Variants in CCDC178 observed in about 807,000 individuals in gnomAD.
The protein encoded by CCDC178 is coiled-coil domain containing 178.
A neutral mutation model predicts 117.4 loss-of-function variants in CCDC178; 126 were observed. The observed-to-expected ratio is 1.07, with a 90% CI of 0.93 to 1.24. The LOEUF (loss-of-function observed/expected upper bound fraction) is 1.24. Ranked by LOEUF, CCDC178 falls within the 50% of genes most tolerant of loss-of-function variation. CCDC178 has a pLI of 0.00. For synonymous variants in CCDC178, 283 were observed against 313.4 expected, an observed-to-expected ratio of 0.90 and a Z score of 1.02; for missense variants, 1,030 against 986.9, an observed-to-expected ratio of 1.04 and a Z score of -0.59.
At chr18:33,349,759 A>C (rs78756705) in intron 7 of CCDC178, among the ~76,000 whole-genome samples, 10,827 of 151,936 alleles carry the variant, frequency 0.071, 482 homozygotes, top group Non-Finnish European at 0.094. Context: ...TTCTAAATTA[A>C]GAAAACTGTA....
intron 21 of CCDC178, among the ~76,000 whole-genome samples, chr18:33,024,744 C>T (rs1015976605): frequency 2.6e-5 from 4 of 151,618 alleles, no homozygotes; most frequent in East Asian, 1.9e-4. Flanking sequence ...CCCGGGTTCA[C>T]GCCATTCTCC....
intron 22 of CCDC178, among the ~76,000 whole-genome samples, chr18:32,946,770 T>C (rs1441620603): frequency 1.3e-5 from 2 of 150,990 alleles, no homozygotes; most frequent in African/African-American, 4.9e-5. Flanking sequence ...TTAGTGTCTT[T>C]TTTTTCTTTT....
intron 15 of CCDC178, among the ~76,000 whole-genome samples, chr18:33,232,777 G>T (rs1599031541): frequency 6.6e-6 from 1 of 151,990 alleles, no homozygotes; most frequent in Non-Finnish European, 1.5e-5. Context: ...TGACTTTTTG[G>T]TGTCATTTCT....
chr18:33,095,616 T>C (rs1217361673), intron 20 of CCDC178, among the ~76,000 whole-genome samples: 1 of 152,022 alleles, frequency 6.6e-6, no homozygotes, highest in African/African-American at 2.4e-5. Flanking sequence ...AATGCATGTA[T>C]GCACATAATA....
At chr18:33,372,279 G>A (rs374277710) in intron 5 of CCDC178, among the ~76,000 whole-genome samples, 1 of 152,004 alleles carries the variant, frequency 6.6e-6, no homozygotes, top group Admixed American at 6.6e-5. Context: ...AAAACTTTCA[G>A]TTTTTAAGAA....
intron 22 of CCDC178, among the ~76,000 whole-genome samples, chr18:32,962,275 A>G (rs527662210): frequency 6.6e-6 from 1 of 152,170 alleles, no homozygotes; most frequent in South Asian, 2.1e-4. Flanking sequence ...ATCTAAATTC[A>G]GTTGTCTTTT....
intron 12 of CCDC178, among the ~76,000 whole-genome samples, chr18:33,281,009 C>G (rs888327545): frequency 1.3e-5 from 2 of 151,842 alleles, no homozygotes; most frequent in African/African-American, 4.8e-5. Flanking sequence ...GCTAAATGAC[C>G]AGTTAATGGG....
At chr18:33,434,766 C>G (rs928090020) in intron 2 of CCDC178, among the ~76,000 whole-genome samples, 4 of 152,068 alleles carry the variant, frequency 2.6e-5, no homozygotes, top group African/African-American at 9.7e-5. Context: ...CACATGGGGA[C>G]GTGAAATGAT....
chr18:33,376,094 C>T (rs2063361914), intron 5 of CCDC178, among the ~76,000 whole-genome samples: 1 of 152,198 alleles, frequency 6.6e-6, no homozygotes. Context: ...TTCCAAGATA[C>T]TGCATTACTT....
At chr18:33,364,773 AGG>A in intron 6 of CCDC178, among the ~76,000 whole-genome samples, 1 of 146,192 alleles carries the variant, frequency 6.8e-6, no homozygotes, top group African/African-American at 2.6e-5. Context: ...ATGAGCTGTA[AGG>A]TAGAAGATTT....
At chr18:33,243,998 T>C (rs532746200) in intron 15 of CCDC178, among the ~76,000 whole-genome samples, 121 of 152,172 alleles carry the variant, frequency 8.0e-4, no homozygotes, top group Non-Finnish European at 1.4e-3. Flanking sequence ...ATTTATTCTA[T>C]GCATGCTTAC....
chr18:33,070,891 C>G (rs2057097370), intron 21 of CCDC178, among the ~76,000 whole-genome samples: 1 of 151,772 alleles, frequency 6.6e-6, no homozygotes, highest in African/African-American at 2.4e-5. Flanking sequence ...TTAATAAAGA[C>G]AAATGCAAAA....
chr18:33,386,496 A>G (rs1412153059), intron 5 of CCDC178, among the ~76,000 whole-genome samples: 1 of 152,126 alleles, frequency 6.6e-6, no homozygotes, highest in East Asian at 1.9e-4. Context: ...CAAACCAAAT[A>G]TAGCAGCACA....
At chr18:33,339,732 G>A (rs909708059) in intron 9 of CCDC178, among the ~76,000 whole-genome samples, 2 of 151,922 alleles carry the variant, frequency 1.3e-5, no homozygotes, top group South Asian at 2.1e-4. Flanking sequence ...GAGATCTGAT[G>A]GGTCTATCAG....
intron 20 of CCDC178, among the ~76,000 whole-genome samples, chr18:33,181,613 G>A (rs1278010318): frequency 1.3e-5 from 2 of 151,834 alleles, no homozygotes; most frequent in African/African-American, 4.8e-5. Context: ...CTTTTGTACT[G>A]TTCAGTGATT....
chr18:33,136,874 G>C (rs562348545), intron 20 of CCDC178, among the ~76,000 whole-genome samples: 57 of 152,242 alleles, frequency 3.7e-4, no homozygotes, highest in Middle Eastern at 3.4e-3. Flanking sequence ...TTATCTATGT[G>C]ATCTATTTAT....
chr18:33,281,127 A>T (rs1287691966), intron 12 of CCDC178, among the ~76,000 whole-genome samples: 1 of 151,520 alleles, frequency 6.6e-6, no homozygotes, highest in Non-Finnish European at 1.5e-5. Flanking sequence ...AGAAACACAC[A>T]CACAAAAAAT....
intron 20 of CCDC178, among the ~76,000 whole-genome samples, chr18:33,190,191 C>T: frequency 6.6e-6 from 1 of 152,146 alleles, no homozygotes; most frequent in East Asian, 1.9e-4. Context: ...TAGACTTCTC[C>T]CCTATTCTAG....
At chr18:33,210,494 T>C (rs2059094887) in intron 20 of CCDC178, among the ~76,000 whole-genome samples, 1 of 152,076 alleles carries the variant, frequency 6.6e-6, no homozygotes, top group East Asian at 1.9e-4. Context: ...ATTATTATTG[T>C]TCCATTATAG....
Sources: gnomAD v4.1 joint callset for allele counts (sites outside exome capture counted in the v4.1 genomes callset) on GRCh38, gnomAD v4.1.1 for gene constraint, MANE v1.5 for transcripts, NCBI Gene and HGNC (gene_info 2026-07-23, HGNC 2026-07-21) for gene names.